Variants in SGCD observed in about 807,000 individuals in gnomAD.
SGCD encodes the protein sarcoglycan delta, also known as delta-sarcoglycan.
In SGCD, 18 loss-of-function variants were observed where a neutral mutation model predicts 36.6. The observed-to-expected ratio is 0.49, with a 90% CI of 0.34 to 0.73. The LOEUF is 0.73. Ranked by LOEUF, SGCD falls within the 30% of genes least tolerant of loss-of-function variation. The probability of loss-of-function intolerance (pLI) is 0.01; values close to 1 mark genes in which losing one functional copy is unlikely to be tolerated. For synonymous variants in SGCD, 133 were observed against 130.6 expected (o/e 1.02, Z -0.12); for missense variants, 387 against 346.7 (o/e 1.12, Z -0.92).
intron 3 of SGCD, among the ~76,000 whole-genome samples, chr5:156,374,737 C>T (rs1285013728): frequency 2.7e-5 from 4 of 147,826 alleles, no homozygotes; most frequent in African/African-American, 1.0e-4. Flanking sequence ...TCTTGGCTCA[C>T]TGCAAGCTCC....
chr5:156,568,655 A>C (rs1245305724), intron 4 of SGCD, among the ~76,000 whole-genome samples: 1 of 152,198 alleles, frequency 6.6e-6, no homozygotes, highest in African/African-American at 2.4e-5. Context: ...GGCCATGTGC[A>C]CTTGTACAGT....
At chr5:156,358,551 A>G (rs1401508324) in intron 3 of SGCD, among the ~76,000 whole-genome samples, 1 of 152,220 alleles carries the variant, frequency 6.6e-6, no homozygotes, top group Non-Finnish European at 1.5e-5. Context: ...TGGGCCAAGG[A>G]CTATACTAAG....
chr5:156,526,296 C>CA (rs1430852701), intron 4 of SGCD, among the ~76,000 whole-genome samples: 3 of 152,106 alleles, frequency 2.0e-5, no homozygotes, highest in Non-Finnish European at 4.4e-5. Flanking sequence ...GGATGGCAGA[C>CA]ACGCACACAG....
chr5:156,477,845 G>A (rs1395095822), intron 3 of SGCD, among the ~76,000 whole-genome samples: 1 of 152,132 alleles, frequency 6.6e-6, no homozygotes, highest in African/African-American at 2.4e-5. Flanking sequence ...GCAAAATGCA[G>A]CATCTCTACA....
intron 3 of SGCD, among the ~76,000 whole-genome samples, chr5:156,410,484 T>C (rs1324810234): frequency 1.3e-5 from 2 of 152,202 alleles, no homozygotes; most frequent in African/African-American, 4.8e-5. Context: ...AATATACCCA[T>C]GTAACAAACC....
chr5:155,935,985 G>A (rs1357457601), intron 1 of SGCD, among the ~76,000 whole-genome samples: 3 of 152,174 alleles, frequency 2.0e-5, no homozygotes, highest in Non-Finnish European at 2.9e-5. Flanking sequence ...CTGTGAGGCT[G>A]CAGCTGGAAC....
intron 1 of SGCD, among the ~76,000 whole-genome samples, chr5:156,023,316 A>C (rs1431521468): frequency 6.8e-6 from 1 of 146,468 alleles, no homozygotes; most frequent in East Asian, 2.0e-4. Context: ...TGTCTTCCAC[A>C]TGAAAATTGT....
chr5:156,547,921 G>A (rs997108181), intron 4 of SGCD, among the ~76,000 whole-genome samples: 3 of 152,152 alleles, frequency 2.0e-5, no homozygotes, highest in African/African-American at 7.2e-5. Flanking sequence ...AGGTGATCTT[G>A]AGGCAAGTCA....
chr5:156,551,079 C>T (rs1758773846), intron 4 of SGCD, among the ~76,000 whole-genome samples: 1 of 152,174 alleles, frequency 6.6e-6, no homozygotes, highest in East Asian at 1.9e-4. Flanking sequence ...TGTTGCCACA[C>T]TCGCCCTGTC....
intron 3 of SGCD, among the ~76,000 whole-genome samples, chr5:156,411,104 T>G (rs1384251243): frequency 6.6e-6 from 1 of 152,242 alleles, no homozygotes; most frequent in Non-Finnish European, 1.5e-5. Context: ...GTTTTATTTC[T>G]TTGATGCCAT....
At chr5:156,520,554 A>G (rs1002816113) in intron 4 of SGCD, among the ~76,000 whole-genome samples, 1 of 151,826 alleles carries the variant, frequency 6.6e-6, no homozygotes, top group Non-Finnish European at 1.5e-5. Flanking sequence ...TTCATATGGA[A>G]CCAAAAAAGA....
At chr5:156,242,377 G>A (rs188841403) in intron 3 of SGCD, among the ~76,000 whole-genome samples, 1 of 152,280 alleles carries the variant, frequency 6.6e-6, no homozygotes. Flanking sequence ...CACCATAGGA[G>A]ATTCTGGTAG....
chr5:156,456,928 T>C (rs963147759), intron 3 of SGCD, among the ~76,000 whole-genome samples: 26 of 152,354 alleles, frequency 1.7e-4, no homozygotes, highest in African/African-American at 6.0e-4. Flanking sequence ...TTTATTTTTC[T>C]GTATTGTAGT....
chr5:155,923,618 C>G (rs142424172), intron 1 of SGCD, among the ~76,000 whole-genome samples: 8 of 152,242 alleles, frequency 5.3e-5, no homozygotes, highest in Admixed American at 5.2e-4. Context: ...CAGCAACTAC[C>G]AACTGAGGAA....
intron 3 of SGCD, among the ~76,000 whole-genome samples, chr5:156,282,600 A>G (rs944118068): frequency 2.0e-5 from 3 of 152,228 alleles, no homozygotes; most frequent in Non-Finnish European, 2.9e-5. Context: ...ACATGGCTCA[A>G]CCAGTTGTAA....
intron 7 of SGCD, among the ~76,000 whole-genome samples, chr5:156,677,198 A>T (rs1255546088): frequency 1.3e-5 from 2 of 152,210 alleles, no homozygotes; most frequent in South Asian, 4.1e-4. Context: ...TCATGCTGCT[A>T]TAAAGACACA....
chr5:156,528,980 A>T (rs1458333516), intron 4 of SGCD, among the ~76,000 whole-genome samples: 2 of 152,136 alleles, frequency 1.3e-5, no homozygotes, highest in Non-Finnish European at 2.9e-5. Flanking sequence ...CATAAATTGC[A>T]TTTATGAGAA....
intron 1 of SGCD, among the ~76,000 whole-genome samples, chr5:155,998,179 T>C (rs538438645): frequency 6.6e-6 from 1 of 152,312 alleles, no homozygotes; most frequent in East Asian, 1.9e-4. Context: ...AGTAATGAAG[T>C]TATTGCAGCT....
At chr5:156,122,843 TAAAAAAAAAA>T (rs33983852) in intron 2 of SGCD, among the ~76,000 whole-genome samples, 5 of 54,168 alleles carry the variant, frequency 9.2e-5, no homozygotes, top group East Asian at 1.8e-3. Context: ...AAAGATGTGG[TAAAAAAAAAA>T]AAAAAAAAAA....
Sources: gnomAD v4.1 joint callset for allele counts (sites outside exome capture counted in the v4.1 genomes callset) on GRCh38, gnomAD v4.1.1 for gene constraint, MANE v1.5 for transcripts, NCBI Gene and HGNC (gene_info 2026-07-23, HGNC 2026-07-21) for gene names.